Variants in TMEM87B observed in about 807,000 individuals in gnomAD.
The protein encoded by TMEM87B is transmembrane protein 87B.
In TMEM87B, 83 loss-of-function variants were observed where a neutral mutation model predicts 80.3. That is an observed-to-expected ratio of 1.03 (90% CI 0.87 to 1.24). The LOEUF (loss-of-function observed/expected upper bound fraction) is 1.24. Ranked by LOEUF, TMEM87B falls within the 50% of genes most tolerant of loss-of-function variation. TMEM87B has a pLI of 0.00. For synonymous variants in TMEM87B, 219 were observed against 230.5 expected (o/e 0.95, Z 0.45); for missense variants, 625 against 674.4 (o/e 0.93, Z 0.81).
intron 1 of TMEM87B, among the ~76,000 whole-genome samples, chr2:112,057,118 A>G (rs1343415115): frequency 1.3e-5 from 2 of 152,110 alleles, no homozygotes. Context: ...CTTTAGGCTA[A>G]TTTTACTCCT....
At chr2:112,065,743 C>A (rs10171979) in intron 3 of TMEM87B, among the ~76,000 whole-genome samples, 104,287 of 151,670 alleles carry the variant, frequency 0.69, 36,140 homozygotes, top group East Asian at 0.91. Flanking sequence ...CACCCCATAC[C>A]GGAACCAATT....
chr2:112,104,117 G>T (rs1304417051), intron 15 of TMEM87B, among the ~76,000 whole-genome samples: 1 of 152,184 alleles, frequency 6.6e-6, no homozygotes, highest in African/African-American at 2.4e-5. Context: ...TAATGGAAAA[G>T]CTTCAACTGT....
chr2:112,059,883 G>C (rs1678191749), intron 1 of TMEM87B, 94 bp from the exon 2 acceptor site: 4 of 1,418,492 alleles, frequency 2.8e-6, no homozygotes, highest in Non-Finnish European at 3.8e-6. Flanking sequence ...TCAGAGAGAG[G>C]AGTGCAAGGC....
At chr2:112,062,391 C>CG (rs1678285083) in intron 2 of TMEM87B, among the ~76,000 whole-genome samples, 1 of 152,108 alleles carries the variant, frequency 6.6e-6, no homozygotes, top group South Asian at 2.1e-4. Flanking sequence ...ATGATCATCT[C>CG]AAAGTATACA....
At chr2:112,075,010 A>G in intron 5 of TMEM87B, 48 bp downstream of exon 5, 3 of 1,558,220 alleles carry the variant, frequency 1.9e-6, no homozygotes, top group Non-Finnish European at 2.6e-6. Context: ...AAGTTAACGT[A>G]AGACTGAAAA....
chr2:112,060,026 T>C lies in TMEM87B; in HGVS notation c.215T>C (p.Ile72Thr), dbSNP rs766456830. 2.0e-5 allele frequency: 32 copies of C among 1,587,980 alleles called. No individual in the cohort carries two copies. Among genetic ancestry groups the C allele is most frequent in the South Asian group, 3.3e-5 (3 of 89,656 alleles). ...AAAACTATGTTTAACTCTACAGATATCAAGTTATCTGGTAAGTATAATAAA... is the reference window on the plus strand; with the variant it reads ...AAAACTATGTTTAACTCTACAGATACCAAGTTATCTGGTAAGTATAATAAA... ...FRKTMFNSTD[I>T]KLSVKSFHCS... Residue 72 changes from isoleucine (I) to threonine (T), a missense_variant, in exon 2 of 19, where the codon ATC becomes ACC. Ile to Thr is a moderately conservative substitution (Grantham distance 89). Transcript: ENST00000283206.
At chr2:112,109,089 A>C (rs1233005222) in intron 17 of TMEM87B, among the ~76,000 whole-genome samples, 1 of 152,210 alleles carries the variant, frequency 6.6e-6, no homozygotes, top group Non-Finnish European at 1.5e-5. Flanking sequence ...AAATATATTT[A>C]ACTATGGAAT....
chr2:112,118,832 G>A lies in TMEM87B; in HGVS notation c.*2689G>A, dbSNP rs970557238. 6.6e-6 allele frequency: 1 copy of A among 151,874 alleles called. No individual in the cohort carries two copies. The highest frequency in any genetic ancestry group is 6.5e-5 in the Admixed American group (1 of 15,272). The allele number at this position is 151,874 out of a possible 1,614,324, so 9.4% of individuals were successfully genotyped here. On this transcript the variant is annotated 3_prime_UTR_variant, in exon 19 of 19. Transcript: ENST00000283206. ...GTATCCTTTTTTTAAAAAAAAGTTC[G>A]AGTCTGTTGCACTAGGCTGTACATG...
At chr2:112,066,782 G>A (rs563071867) in intron 3 of TMEM87B, among the ~76,000 whole-genome samples, 154 bp from the exon 4 acceptor site, 105 of 152,220 alleles carry the variant, frequency 6.9e-4, no homozygotes, top group African/African-American at 1.9e-3. Flanking sequence ...AATTATATTC[G>A]AAACAGTTTT....
chr2:112,069,515 G>A (rs548415454), intron 4 of TMEM87B, among the ~76,000 whole-genome samples: 8 of 152,238 alleles, frequency 5.3e-5, no homozygotes, highest in African/African-American at 1.9e-4. Context: ...TTTTATGTCT[G>A]CATATTATTC....
chr2:112,119,112 A>G lies in TMEM87B; in HGVS notation c.*2969A>G, dbSNP rs1680095632. The G allele has an allele frequency of 6.6e-6, 1 of 152,196 alleles. No individual in the cohort carries two copies. The highest frequency in any genetic ancestry group is 2.4e-5 in the African/African-American group (1 of 41,464). The allele number at this position is 152,196 out of a possible 1,614,324, so 9.4% of individuals were successfully genotyped here. A position where few individuals can be genotyped will look rare whatever the true frequency, so the allele number is the denominator to read the frequency against. On this transcript the variant is annotated 3_prime_UTR_variant, in exon 19 of 19. Transcript: ENST00000283206. ...TACTGCATGAAGAGACTTCATTAAA[A>G]CTAAGAAAACATTTATTTGGGGAGA...
At chr2:112,096,695 A>G (rs1679477915) in intron 11 of TMEM87B, among the ~76,000 whole-genome samples, 1 of 152,268 alleles carries the variant, frequency 6.6e-6, no homozygotes. Flanking sequence ...ATGGCATGTC[A>G]CAATGTGATC....
intron 4 of TMEM87B, among the ~76,000 whole-genome samples, 177 bp downstream of exon 4, chr2:112,067,244 A>G (rs547726409): frequency 2.0e-5 from 3 of 152,304 alleles, no homozygotes; most frequent in Non-Finnish European, 2.9e-5. Flanking sequence ...TTTTATCAGG[A>G]TTTTGATAAA....
rs186715768 is a variant in TMEM87B, at chr2:112,117,797, T to G, written c.*1654T>G. 3.9e-5 allele frequency: 6 copies of G among 152,316 alleles called. No individual in the cohort carries two copies. Among genetic ancestry groups the G allele is most frequent in the Admixed American group, 1.3e-4 (2 of 15,306 alleles). 9.4% of individuals were successfully genotyped at this position (152,316 alleles called of 1,614,324 possible). On this transcript the variant is annotated 3_prime_UTR_variant, in exon 19 of 19. Coordinates refer to ENST00000283206, the MANE Select transcript of TMEM87B (RefSeq NM_032824.3). Reference sequence around the variant, plus strand: ...TCTCCCCTTAGCCCAGTAACATTTTTATCTAATACCCCATTCCCCAAGTTT... The same window carrying G: ...TCTCCCCTTAGCCCAGTAACATTTTGATCTAATACCCCATTCCCCAAGTTT...
chr2:112,075,090 A>T (rs1678768014), intron 5 of TMEM87B, 128 bp downstream of exon 5: 1 of 1,381,754 alleles, frequency 7.2e-7, no homozygotes. Flanking sequence ...AAGGAAAAGG[A>T]AACATTATTT....
intron 1 of TMEM87B, among the ~76,000 whole-genome samples, chr2:112,058,375 A>C (rs934923663): frequency 6.6e-6 from 1 of 152,216 alleles, no homozygotes; most frequent in Non-Finnish European, 1.5e-5. Context: ...TAAGTTCAGG[A>C]CTGGAGGGGG....
chr2:112,107,227 A>G (rs987305663), intron 16 of TMEM87B, among the ~76,000 whole-genome samples: 4 of 152,020 alleles, frequency 2.6e-5, no homozygotes, highest in Non-Finnish European at 5.9e-5. Context: ...ATGTGGTGGC[A>G]TGTGCCTGTC....
intron 4 of TMEM87B, among the ~76,000 whole-genome samples, chr2:112,067,469 T>C (rs1276932115): frequency 6.6e-6 from 1 of 152,046 alleles, no homozygotes; most frequent in African/African-American, 2.4e-5. Context: ...TGTGGTGGCA[T>C]GTGCCCGTAG....
chr2:112,100,475 T>C (rs1679598970), intron 14 of TMEM87B, 147 bp from the exon 15 acceptor site: 1 of 531,252 alleles, frequency 1.9e-6, no homozygotes, highest in Non-Finnish European at 3.3e-6. Flanking sequence ...TTTAGCTAAT[T>C]TGAAAGTAAA....
Sources: allele counts gnomAD v4.1 joint callset (sites outside exome capture counted in the v4.1 genomes callset), GRCh38; gene constraint gnomAD v4.1.1; transcripts MANE v1.5; gene names NCBI Gene and HGNC (gene_info 2026-07-23, HGNC 2026-07-21).